DLG2: variants seen among roughly 807,000 people sequenced by gnomAD.
DLG2 encodes the protein discs large MAGUK scaffold protein 2, also known as disks large homolog 2.
Under a neutral mutation model 132.5 loss-of-function variants are expected in DLG2, and 45 were observed. The ratio of observed to expected loss-of-function variants is 0.34; its 90% CI spans 0.27 to 0.44. DLG2 has a LOEUF of 0.44. DLG2 is among the 20% of genes least tolerant of loss of function. DLG2 has a pLI of 1.00. For synonymous variants in DLG2, 424 were observed against 419.6 expected (o/e 1.01, Z -0.13); for missense variants, 1,045 against 1,196.9 (o/e 0.87, Z 1.87).
At chr11:85,497,450 G>A (rs1328718595) in intron 3 of DLG2, among the ~76,000 whole-genome samples, 2 of 152,102 alleles carry the variant, frequency 1.3e-5, no homozygotes, top group African/African-American at 2.4e-5. Context: ...ATCTACAGTT[G>A]ACTGGTGTAC....
At chr11:84,420,829 C>G (rs538468635) in intron 7 of DLG2, among the ~76,000 whole-genome samples, 1 of 150,988 alleles carries the variant, frequency 6.6e-6, no homozygotes. Context: ...CCACCACGCC[C>G]GGCTAATTTT....
chr11:85,405,189 G>T (rs1271808301), intron 3 of DLG2, among the ~76,000 whole-genome samples: 3 of 151,876 alleles, frequency 2.0e-5, no homozygotes, highest in South Asian at 2.1e-4. Flanking sequence ...CCCCTTGCAT[G>T]CTAGATTTTA....
At chr11:84,985,849 G>C (rs1385286179) in intron 6 of DLG2, among the ~76,000 whole-genome samples, 1 of 151,774 alleles carries the variant, frequency 6.6e-6, no homozygotes, top group Non-Finnish European at 1.5e-5. Flanking sequence ...AAAATTAGCA[G>C]GGCATGATGG....
intron 6 of DLG2, among the ~76,000 whole-genome samples, chr11:85,053,515 G>A (rs779904350): frequency 6.6e-6 from 1 of 151,750 alleles, no homozygotes; most frequent in Non-Finnish European, 1.5e-5. Context: ...CAGGCCGGGC[G>A]TGGTGGCTCA....
chr11:83,817,208 A>T (rs1202109844), intron 17 of DLG2, among the ~76,000 whole-genome samples: 1 of 152,192 alleles, frequency 6.6e-6, no homozygotes, highest in Non-Finnish European at 1.5e-5. Context: ...AGAGTATGGG[A>T]TATACAAAGC....
intron 18 of DLG2, among the ~76,000 whole-genome samples, chr11:83,642,295 T>C (rs1184169064): frequency 6.6e-6 from 1 of 152,222 alleles, no homozygotes; most frequent in Non-Finnish European, 1.5e-5. Flanking sequence ...CCAGATCTAA[T>C]ACTAAATAGA....
chr11:84,372,606 A>G (rs929701053), intron 7 of DLG2, among the ~76,000 whole-genome samples: 23 of 152,210 alleles, frequency 1.5e-4, no homozygotes, highest in Admixed American at 7.9e-4. Flanking sequence ...AGATGCTACT[A>G]GTCAAACCAC....
At chr11:83,735,157 G>T (rs2153706990) in intron 18 of DLG2, among the ~76,000 whole-genome samples, 1 of 152,148 alleles carries the variant, frequency 6.6e-6, no homozygotes, top group South Asian at 2.1e-4. Flanking sequence ...TGGAAGGTGA[G>T]GGCATCACAA....
intron 6 of DLG2, among the ~76,000 whole-genome samples, chr11:84,964,037 C>T (rs997137763): frequency 6.6e-6 from 1 of 151,982 alleles, no homozygotes; most frequent in East Asian, 1.9e-4. Flanking sequence ...AACCGTATTA[C>T]CAGTCAAAGC....
chr11:85,467,523 T>C (rs973620852), intron 3 of DLG2, among the ~76,000 whole-genome samples: 5 of 152,140 alleles, frequency 3.3e-5, no homozygotes, highest in African/African-American at 9.7e-5. Flanking sequence ...GCATGAAGGG[T>C]TGTTGAATTT....
chr11:84,678,834 T>C (rs1236754981), intron 6 of DLG2, among the ~76,000 whole-genome samples: 1 of 152,144 alleles, frequency 6.6e-6, no homozygotes, highest in African/African-American at 2.4e-5. Flanking sequence ...CATAGCCATG[T>C]GACTTAGGTA....
Position 84,319,850 on chromosome 11 carries a change from T to C in DLG2, c.520-68559A>G, listed in dbSNP as rs556687044. On this transcript the variant is annotated intron_variant, in intron 7 of 27. Transcript: ENST00000376104. Reference sequence around the variant, plus strand: ...TTATTAAGCTTACTAAAAGACTATATTGAAATCACTCCTTCAGTTTAGTAC... The same window carrying C: ...TTATTAAGCTTACTAAAAGACTATACTGAAATCACTCCTTCAGTTTAGTAC... Among the ~76,000 whole-genome samples the C allele has an allele frequency of 1.1e-4, 17 of 152,354 alleles. 1 individual carries two copies. The South Asian group carries it at 3.1e-3, about 28-fold the overall frequency.
intron 14 of DLG2, among the ~76,000 whole-genome samples, chr11:83,939,708 C>T (rs1156984277): frequency 2.6e-5 from 4 of 152,206 alleles, no homozygotes; most frequent in Middle Eastern, 3.4e-3. Context: ...TTCACACCCC[C>T]CACAAGAATT....
At chr11:85,190,839 T>TA (rs1218251718) in intron 4 of DLG2, among the ~76,000 whole-genome samples, 1 of 152,154 alleles carries the variant, frequency 6.6e-6, no homozygotes, top group African/African-American at 2.4e-5. Flanking sequence ...GAATGATTAT[T>TA]AAAAATTCAG....
chr11:84,124,055 C>T (rs1055079972), intron 9 of DLG2, among the ~76,000 whole-genome samples: 2 of 152,216 alleles, frequency 1.3e-5, no homozygotes, highest in Admixed American at 6.5e-5. Context: ...GCTCTCCTTT[C>T]AAGAAAACAA....
intron 7 of DLG2, among the ~76,000 whole-genome samples, chr11:84,475,648 G>A (rs1031621820): frequency 6.6e-6 from 1 of 152,000 alleles, no homozygotes; most frequent in Admixed American, 6.6e-5. Flanking sequence ...TACAAATCAG[G>A]GACCCCCAAT....
chr11:85,039,938 A>T (rs1386723471), intron 6 of DLG2, among the ~76,000 whole-genome samples: 1 of 151,910 alleles, frequency 6.6e-6, no homozygotes, highest in Non-Finnish European at 1.5e-5. Context: ...CATAAGAACT[A>T]TACCTTTGTG....
chr11:85,426,065 T>A (rs375530751), intron 3 of DLG2, among the ~76,000 whole-genome samples: 1 of 152,120 alleles, frequency 6.6e-6, no homozygotes, highest in Non-Finnish European at 1.5e-5. Context: ...GAGATCAAAC[T>A]GCAAGGTGGC....
intron 2 of DLG2, among the ~76,000 whole-genome samples, chr11:85,607,064 A>C (rs1485250645): frequency 1.3e-5 from 2 of 152,312 alleles, no homozygotes; most frequent in Non-Finnish European, 2.9e-5. Context: ...ACCTTTCGCC[A>C]AGCAGTGAGA....
Sources: gnomAD v4.1 joint callset for allele counts (sites outside exome capture counted in the v4.1 genomes callset) on GRCh38, gnomAD v4.1.1 for gene constraint, MANE v1.5 for transcripts, NCBI Gene and HGNC (gene_info 2026-07-23, HGNC 2026-07-21) for gene names.